DIDO1: variants seen among roughly 807,000 people sequenced by gnomAD.
The protein encoded by DIDO1 is death-inducer obliterator 1.
A neutral mutation model predicts 99.4 loss-of-function variants in DIDO1; 16 were observed. The observed-to-expected ratio is 0.16, with a 90% confidence interval of 0.11 to 0.24. The LOEUF is 0.24. Ranked by LOEUF, DIDO1 falls within the 10% of genes least tolerant of loss-of-function variation. The probability of loss-of-function intolerance (pLI) is 1.00; values close to 1 mark genes in which losing one functional copy is unlikely to be tolerated. For synonymous variants in DIDO1, 1,366 were observed against 1,239.1 expected (o/e 1.10, Z -2.15); for missense variants, 2,996 against 3,014.0 (o/e 0.99, Z 0.14).
chr20:62,911,964 G>A lies in DIDO1; in HGVS notation c.-2-350C>T, dbSNP rs924266099. Among the ~76,000 whole-genome samples, 3 of 152,196 alleles carry A rather than the reference G, an allele frequency of 2.0e-5. No individual in the cohort carries two copies. The highest frequency in any genetic ancestry group is 4.8e-5 in the African/African-American group (2 of 41,450). On this transcript the variant is annotated intron_variant, in intron 2 of 15. Transcript: ENST00000395343. The surrounding 1 kb of genome is among the most constrained non-coding windows in gnomAD (Gnocchi z 7.0). ...GCAGGGTAAGGATGTGAGTAAGGAC[G>A]TGAGCAAGGACGCGAGCAGCTCGGA...
chr20:62,886,294 G>A (rs147062855), intron 15 of DIDO1, among the ~76,000 whole-genome samples: 324 of 152,300 alleles, frequency 2.1e-3, no homozygotes, highest in African/African-American at 7.1e-3. Context: ...TTCCCCCAAC[G>A]CCCTCTGAAA....
At chr20:62,887,604 G>A in intron 15 of DIDO1, 1 of 985,556 alleles carries the variant, frequency 1.0e-6, no homozygotes, top group Middle Eastern at 5.2e-4. Context: ...AAGGCTCCGA[G>A]GCCTGCGGCT....
intron 1 of DIDO1, among the ~76,000 whole-genome samples, chr20:62,921,746 T>C (rs1416261772): frequency 6.6e-6 from 1 of 151,334 alleles, no homozygotes; most frequent in Non-Finnish European, 1.5e-5. Context: ...GTTATCCTTC[T>C]ACCTCAGCCT....
Position 62,894,719 on chromosome 20 carries a change from TCA to T in DIDO1, c.2436+89_2436+90del. On this transcript the variant is annotated intron_variant, in intron 10 of 15. Transcript: ENST00000395343. The surrounding 1 kb of genome is among the most constrained non-coding windows in gnomAD (Gnocchi z 4.4). ...ACAATGACATACACCTGCTGTAAGC[TCA>T]GGTCCTGCCCAATAATTTAAGATAA... 1 of 1,437,326 alleles carries T rather than the reference TCA, an allele frequency of 7.0e-7. No individual in the cohort carries two copies. The highest frequency in any genetic ancestry group is 9.4e-7 in the Non-Finnish European group (1 of 1,067,218). The allele number at this position is 1,437,326 out of a possible 1,614,324, so 89.0% of individuals were successfully genotyped here.
Position 62,879,691 on chromosome 20 carries a change from C to T in DIDO1, c.6265G>A (p.Glu2089Lys). 6.2e-7 allele frequency: 1 copy of T among 1,610,844 alleles called. No individual in the cohort carries two copies. The highest frequency in any genetic ancestry group is 8.5e-7 in the Non-Finnish European group (1 of 1,179,814). ...RNQTFEGRQR[E>K]RFDVGPKEKP... ...TCTTTGGGCCCCACGTCAAACCGCT[C>T]TCTCTGCCTCCCTTCGAAAGTCTGG... The change falls in exon 16 of 16, where the codon GAG (glutamate) becomes AAG (lysine). Residue 2089 changes from glutamate to lysine, a missense_variant. Around this residue, in one of 5 missense-constraint regions of DIDO1, gnomAD observed 1,562 missense variants for 1,412.6 expected, o/e 1.11. Coordinates refer to ENST00000395343, the MANE Select transcript of DIDO1 (RefSeq NM_001193369.2). This position sits in a 1 kb window ranked among gnomAD's most constrained non-coding sequence, Gnocchi z 6.3.
At chr20:62,887,862 C>A (rs1462990802) in intron 15 of DIDO1, 4 of 985,528 alleles carry the variant, frequency 4.1e-6, no homozygotes, top group Non-Finnish European at 4.8e-6. Context: ...GGAACCAGGC[C>A]TCCCAGCTGC....
chr20:62,921,801 T>TTGTGTG (rs10657976), intron 1 of DIDO1, among the ~76,000 whole-genome samples: 1 of 149,638 alleles, frequency 6.7e-6, no homozygotes, highest in Non-Finnish European at 1.5e-5. Context: ...TGCCCAGCTA[T>TTGTGTG]TGTGTGTGTG....
At position 62,881,552 on chromosome 20, in the gene DIDO1, C is replaced by T. The variant is rs776072192; in HGVS notation, c.4404G>A (p.Ala1468=). ...ERPAEPVAGA[A]TPSLVEQQKM... ...TCTGTTGCTCCACCAGGGAGGGCGT[C>T]GCAGCCCCGGCCACCGGCTCGGCAG... Residue 1468 remains alanine (A), a synonymous_variant, in exon 16 of 16, where the codon GCG becomes GCA. Transcript: ENST00000395343. The surrounding 1 kb of genome is among the most constrained non-coding windows in gnomAD (Gnocchi z 8.3). 2.5e-6 allele frequency: 4 copies of T among 1,611,772 alleles called. No homozygotes were observed. The highest frequency in any genetic ancestry group is 3.4e-6 in the Non-Finnish European group (4 of 1,180,028).
intron 1 of DIDO1, among the ~76,000 whole-genome samples, chr20:62,918,526 TTAAG>T (rs1221765831): frequency 3.3e-5 from 5 of 152,320 alleles, no homozygotes; most frequent in African/African-American, 7.2e-5. Flanking sequence ...ACAACCATAA[TTAAG>T]TTTCTATTTT....
intron 15 of DIDO1, among the ~76,000 whole-genome samples, chr20:62,887,049 C>T (rs1189792650): frequency 6.6e-6 from 1 of 152,218 alleles, no homozygotes; most frequent in Non-Finnish European, 1.5e-5. Context: ...AGAAGGGCCC[C>T]AGGGCAGCAC....
intron 1 of DIDO1, among the ~76,000 whole-genome samples, chr20:62,933,726 C>G (rs1383188086): frequency 6.6e-6 from 1 of 152,142 alleles, no homozygotes; most frequent in Non-Finnish European, 1.5e-5. Flanking sequence ...ACAAAATTAG[C>G]TGGGTGTGGT....
At chr20:62,926,231 G>A (rs1163463709) in intron 1 of DIDO1, among the ~76,000 whole-genome samples, 1 of 148,342 alleles carries the variant, frequency 6.7e-6, no homozygotes, top group Admixed American at 6.7e-5. Context: ...CCCAGGCCGC[G>A]GCGGCTCTGA....
intron 15 of DIDO1, among the ~76,000 whole-genome samples, chr20:62,883,166 C>CA (rs1366038758): frequency 6.6e-6 from 1 of 151,846 alleles, no homozygotes; most frequent in African/African-American, 2.4e-5. Flanking sequence ...TCAGGTGATC[C>CA]ACCTGCCTCG....
intron 6 of DIDO1, among the ~76,000 whole-genome samples, chr20:62,901,483 A>G (rs571648958): frequency 6.6e-6 from 1 of 152,306 alleles, no homozygotes; most frequent in East Asian, 1.9e-4. Flanking sequence ...GATCTCCCAC[A>G]CGAGTAATTT....
intron 1 of DIDO1, among the ~76,000 whole-genome samples, chr20:62,918,852 GAAGACACTAGGTAA>G (rs2147545696): frequency 6.6e-6 from 1 of 152,296 alleles, no homozygotes; most frequent in South Asian, 2.1e-4. Context: ...GAGCAACTGA[GAAGACACTAGGTAA>G]AAGATCTTTA....
Position 62,879,794 on chromosome 20 carries a change from C to T in DIDO1, c.6162G>A (p.Ala2054=), listed in dbSNP as rs779845883. The change falls in exon 16 of 16, where the codon GCG becomes GCA. Residue 2054 remains alanine, a synonymous_variant. Coordinates refer to ENST00000395343, the MANE Select transcript of DIDO1 (RefSeq NM_001193369.2). This position sits in a 1 kb window ranked among gnomAD's most constrained non-coding sequence, Gnocchi z 6.3. ...AGPPSALSSS[A]PGQGPEADGQ... ...CGTCGGCCTCGGGGCCCTGTCCGGG[C>T]GCACTGGAGGAGAGCGCGGAGGGCG... 33 of 1,611,118 alleles carry T rather than the reference C, an allele frequency of 2.0e-5. No homozygotes were observed. The highest frequency in any genetic ancestry group is 2.8e-5 in the Non-Finnish European group (33 of 1,179,714).
At chr20:62,923,259 T>A (rs1471934368) in intron 1 of DIDO1, among the ~76,000 whole-genome samples, 1 of 152,104 alleles carries the variant, frequency 6.6e-6, no homozygotes, top group Non-Finnish European at 1.5e-5. Flanking sequence ...CACTGCAACC[T>A]CGACCTCCCA....
At chr20:62,935,172 C>T (rs200160027) in intron 1 of DIDO1, among the ~76,000 whole-genome samples, 2 of 152,164 alleles carry the variant, frequency 1.3e-5, no homozygotes, top group South Asian at 2.1e-4. Flanking sequence ...GCTACTCACC[C>T]GCATCACTCT....
chr20:62,879,520 C>T lies in DIDO1; in HGVS notation c.6436G>A (p.Asp2146Asn). The T allele has an allele frequency of 6.3e-7, 1 of 1,599,458 alleles. No homozygotes were observed. Among genetic ancestry groups the T allele is most frequent in the Non-Finnish European group, 8.5e-7 (1 of 1,179,082 alleles). Reference sequence around the variant, plus strand: ...CTCCTCTCCCGGTTTCTGTCCCAGTCCCGGCTGGAGTCCTTGTCCCGGTGT... The same window carrying T: ...CTCCTCTCCCGGTTTCTGTCCCAGTTCCGGCTGGAGTCCTTGTCCCGGTGT... ...DRHRDKDSSR[D>N]WDRNRERSAN... Residue 2146 changes from aspartate to asparagine, a missense_variant, in exon 16 of 16, where the codon GAC becomes AAC. Physicochemically the swap from Asp to Asn is conservative, Grantham distance 23. Transcript: ENST00000395343. This position sits in a 1 kb window ranked among gnomAD's most constrained non-coding sequence, Gnocchi z 6.3.
Sources: allele counts gnomAD v4.1 joint callset (sites outside exome capture counted in the v4.1 genomes callset), GRCh38; gene constraint gnomAD v4.1.1; regional missense constraint gnomAD v4.1.1; non-coding constraint Gnocchi (gnomAD v3.1); transcripts MANE v1.5; gene names NCBI Gene and HGNC (gene_info 2026-07-23, HGNC 2026-07-21).